OSMR: variants seen among roughly 807,000 people sequenced by gnomAD.
The protein encoded by OSMR is oncostatin M receptor.
In OSMR, 81 loss-of-function variants were observed where a neutral mutation model predicts 99.9. The ratio of observed to expected loss-of-function variants is 0.81; its 90% CI spans 0.68 to 0.97. OSMR has a LOEUF of 0.97. OSMR is among the 50% of genes least tolerant of loss of function. OSMR has a pLI of 0.00. For synonymous variants in OSMR, 406 were observed against 410.4 expected (o/e 0.99, Z 0.13); for missense variants, 1,099 against 1,153.4 (o/e 0.95, Z 0.68).
At chr5:38,862,757 G>T (rs1332136348) in intron 1 of OSMR, among the ~76,000 whole-genome samples, 4 of 151,092 alleles carry the variant, frequency 2.6e-5, no homozygotes, top group Non-Finnish European at 4.4e-5. Context: ...CTTCCCAGAC[G>T]GGGTGGCGGC....
At chr5:38,912,515 T>C (rs1745650508) in intron 9 of OSMR, among the ~76,000 whole-genome samples, 1 of 152,124 alleles carries the variant, frequency 6.6e-6, no homozygotes, top group African/African-American at 2.4e-5. Flanking sequence ...AATTTACAGA[T>C]TCAATGCTAT....
At chr5:38,887,193 T>C (rs1743841540) in intron 7 of OSMR, among the ~76,000 whole-genome samples, 1 of 152,214 alleles carries the variant, frequency 6.6e-6, no homozygotes, top group Admixed American at 6.5e-5. Context: ...TCTCCCAATT[T>C]GTAACTCACT....
At chr5:38,862,234 T>C (rs56092427) in intron 1 of OSMR, among the ~76,000 whole-genome samples, 45,669 of 62,024 alleles carry the variant, frequency 0.74, 16,878 homozygotes, top group East Asian at 0.8. Flanking sequence ...GGCGGCTGGC[T>C]GGGCGGGGGG....
chr5:38,885,924 T>C, intron 6 of OSMR, 115 bp from the exon 7 acceptor site: 1 of 1,499,832 alleles, frequency 6.7e-7, no homozygotes, highest in Non-Finnish European at 8.9e-7. Flanking sequence ...TCAATGCCAT[T>C]ATGGGGAACA....
chr5:38,888,352 T>C (rs934147667), intron 7 of OSMR, among the ~76,000 whole-genome samples: 10 of 151,308 alleles, frequency 6.6e-5, no homozygotes, highest in Admixed American at 5.9e-4. Flanking sequence ...GCGGCCCGAA[T>C]TGCCATGTTT....
intron 12 of OSMR, 120 bp downstream of exon 12, chr5:38,921,914 A>C: frequency 1.2e-6 from 1 of 824,194 alleles, no homozygotes; most frequent in Non-Finnish European, 2.1e-6. Context: ...GAAACGACAA[A>C]TCCAGCATGG....
intron 1 of OSMR, among the ~76,000 whole-genome samples, chr5:38,850,156 G>C (rs1579609153): frequency 6.6e-6 from 1 of 152,230 alleles, no homozygotes; most frequent in African/African-American, 2.4e-5. Context: ...TTTAAATGCA[G>C]ATTCAAGAGG....
chr5:38,913,363 C>T (rs1006273682), intron 9 of OSMR, among the ~76,000 whole-genome samples: 4 of 151,938 alleles, frequency 2.6e-5, no homozygotes, highest in East Asian at 3.9e-4. Context: ...TCCTGGCTAA[C>T]GTGGTGAAAC....
At chr5:38,908,888 A>C (rs1462210932) in intron 9 of OSMR, among the ~76,000 whole-genome samples, 1 of 152,256 alleles carries the variant, frequency 6.6e-6, no homozygotes, top group East Asian at 1.9e-4. Flanking sequence ...TTACCTCCAA[A>C]GACCACACTA....
intron 9 of OSMR, among the ~76,000 whole-genome samples, chr5:38,905,333 A>G (rs1262606214): frequency 3.3e-5 from 5 of 152,078 alleles, no homozygotes; most frequent in Non-Finnish European, 5.9e-5. Flanking sequence ...TACTAAAAAT[A>G]TAAAAATTAG....
In OSMR at chr5:38,903,982, T is replaced by C. The variant is rs1745057986; in HGVS notation, c.1092T>C (p.Tyr364=). The C allele has an allele frequency of 3.7e-6, 6 of 1,613,980 alleles. No individual in the cohort carries two copies. The highest frequency in any genetic ancestry group is 1.7e-5 in the Admixed American group (1 of 60,002). Residue 364 remains tyrosine, a synonymous_variant, in exon 8 of 18, where the codon TAT becomes TAC. Transcript: ENST00000274276. ...KVHSIRNNFT[Y]LCQIELHGEG... is the part of the protein sequence containing the mutation. ...ACTCCATAAGGAATAATTTCACATATTTGTGTCAGATTGAACTCCATGGTG... is the reference window on the plus strand; with the variant it reads ...ACTCCATAAGGAATAATTTCACATACTTGTGTCAGATTGAACTCCATGGTG...
chr5:38,895,414 C>A lies in OSMR; in HGVS notation c.992-8468C>A, dbSNP rs910032394. ...ATGATGTTGAGCACTTTTTCATATG[C>A]CTGTTTGCAAATTGTATTTCTTCTT... On this transcript the variant is annotated intron_variant, in intron 7 of 17. Coordinates refer to ENST00000274276, the MANE Select transcript of OSMR (RefSeq NM_003999.3). 2.6e-5 allele frequency among the ~76,000 whole-genome samples: 4 copies of A among 152,066 alleles called. No homozygotes were observed. In the South Asian group the frequency reaches 8.3e-4, roughly 32 times the overall value.
At chr5:38,903,850 A>AT (rs772735634) in intron 7 of OSMR, 32 bp from the exon 8 acceptor site, 5 of 1,595,126 alleles carry the variant, frequency 3.1e-6, no homozygotes, top group East Asian at 2.2e-5. Flanking sequence ...CTATGCTTGA[A>AT]TTTTTTTGTT....
chr5:38,867,669 C>A (rs563518230), intron 1 of OSMR, among the ~76,000 whole-genome samples: 19 of 152,158 alleles, frequency 1.2e-4, no homozygotes, highest in Non-Finnish European at 2.5e-4. Context: ...AGCTCTTTGG[C>A]TCTTTACAAT....
At position 38,925,235 on chromosome 5, in the gene OSMR, C is replaced by G. The variant is rs773688436; in HGVS notation, c.2076C>G (p.Asp692Glu). The G allele has an allele frequency of 5.0e-6, 8 of 1,613,592 alleles. No homozygotes were observed. In the Admixed American group the frequency reaches 1.3e-4, roughly 27 times the overall value. Residue 692 changes from aspartate to glutamate, a missense_variant, in exon 15 of 18, where the codon GAC (aspartate) becomes GAG (glutamate). Transcript: ENST00000274276. The stretch of plus-strand genomic sequence containing the variant: ...CAGAATGTTGCAAATACAAAATTGA[C>G]AACCCGGAAGAAAAGGCATTGATTG... ...DGSECCKYKI[D>E]NPEEKALIVD...
At chr5:38,850,803 A>C (rs1439106964) in intron 1 of OSMR, among the ~76,000 whole-genome samples, 2 of 152,180 alleles carry the variant, frequency 1.3e-5, no homozygotes, top group Non-Finnish European at 2.9e-5. Context: ...TTTCTTGGTC[A>C]CCTCTTTCTA....
chr5:38,861,636 C>G (rs1345451179), intron 1 of OSMR, among the ~76,000 whole-genome samples: 1 of 152,240 alleles, frequency 6.6e-6, no homozygotes, highest in Admixed American at 6.5e-5. Context: ...CTGTTGGGTT[C>G]ACCTCCCAGA....
intron 8 of OSMR, 133 bp downstream of exon 8, chr5:38,904,157 G>A: frequency 6.5e-7 from 1 of 1,530,224 alleles, no homozygotes; most frequent in Non-Finnish European, 8.8e-7. Context: ...GTTTTAAAAG[G>A]TCCATGAAAT....
chr5:38,913,496 G>A (rs913638492), intron 9 of OSMR, among the ~76,000 whole-genome samples: 2 of 151,066 alleles, frequency 1.3e-5, no homozygotes, highest in Admixed American at 6.6e-5. Flanking sequence ...CTTGCAGTGA[G>A]CAGAGGTCGT....
Sources: gnomAD v4.1 joint callset for allele counts (sites outside exome capture counted in the v4.1 genomes callset) on GRCh38, gnomAD v4.1.1 for gene constraint, MANE v1.5 for transcripts, NCBI Gene and HGNC (gene_info 2026-07-23, HGNC 2026-07-21) for gene names.